WWOX: variants seen among roughly 807,000 people sequenced by gnomAD.
WWOX encodes WW domain containing oxidoreductase, also known as WW domain-containing oxidoreductase.
In WWOX, 69 loss-of-function variants were observed where a neutral mutation model predicts 46.2. The observed-to-expected ratio is 1.49, with a 90% confidence interval of 1.23 to 1.82. WWOX has a LOEUF of 1.82. Ranked by LOEUF, WWOX falls within the 40% of genes most tolerant of loss-of-function variation. WWOX has a pLI of 0.00. For missense variants in WWOX, 919 were observed against 542.6 expected, an observed-to-expected ratio of 1.69 and a Z score of -6.89; for synonymous variants, 359 against 202.6, an observed-to-expected ratio of 1.77 and a Z score of -6.56.
At chr16:78,451,848 C>T (rs1223733013) in intron 8 of WWOX, among the ~76,000 whole-genome samples, 1 of 152,128 alleles carries the variant, frequency 6.6e-6, no homozygotes, top group African/African-American at 2.4e-5. Flanking sequence ...GAGAAATACC[C>T]TTCAACTCTT....
intron 8 of WWOX, among the ~76,000 whole-genome samples, chr16:78,909,919 T>G (rs769867727): frequency 1.3e-5 from 2 of 152,212 alleles, no homozygotes; most frequent in Non-Finnish European, 2.9e-5. Context: ...TCAAGCTAAT[T>G]GTAATGATAT....
chr16:78,792,831 A>T (rs759667570), intron 8 of WWOX, among the ~76,000 whole-genome samples: 1 of 152,158 alleles, frequency 6.6e-6, no homozygotes, highest in African/African-American at 2.4e-5. Context: ...CTGATTGTCC[A>T]CAGCTCTGCT....
chr16:79,057,284 C>T (rs1400825149), intron 8 of WWOX, among the ~76,000 whole-genome samples: 4 of 152,184 alleles, frequency 2.6e-5, no homozygotes, highest in Non-Finnish European at 4.4e-5. Context: ...AGCTGATTCT[C>T]CCCAGCATGG....
chr16:78,164,056 TG>T, intron 4 of WWOX, 126 bp from the exon 5 acceptor site: 3 of 869,194 alleles, frequency 3.5e-6, no homozygotes, highest in East Asian at 5.3e-5. Flanking sequence ...TTCTGTCCCC[TG>T]GGGATCAAAA....
chr16:78,505,679 T>C (rs1487694308), intron 8 of WWOX, among the ~76,000 whole-genome samples: 1 of 151,716 alleles, frequency 6.6e-6, no homozygotes, highest in African/African-American at 2.4e-5. Flanking sequence ...ACACCCTCAT[T>C]CCCAGTCCTG....
At position 78,614,713 on chromosome 16, in the gene WWOX, C is replaced by T. The variant is rs145126003; in HGVS notation, c.1056+181961C>T. ...AACGCTACATGAAGAGGGACGGGGCCAACAGCAGGCTCTTCCTTGACGTGT... is the reference window on the plus strand; with the variant it reads ...AACGCTACATGAAGAGGGACGGGGCTAACAGCAGGCTCTTCCTTGACGTGT... On this transcript the variant is annotated intron_variant, in intron 8 of 8. Transcript: ENST00000566780. Among the ~76,000 whole-genome samples the T allele has an allele frequency of 4.3e-3, 649 of 152,314 alleles. 6 individuals are homozygous for T. Among genetic ancestry groups the T allele is most frequent in the African/African-American group, 0.015 (616 of 41,562 alleles).
chr16:78,580,012 C>G (rs1046043856), intron 8 of WWOX, among the ~76,000 whole-genome samples: 1 of 152,082 alleles, frequency 6.6e-6, no homozygotes, highest in Non-Finnish European at 1.5e-5. Flanking sequence ...TGTGCACATT[C>G]CTGCTTTTCT....
rs533607500 is a variant in WWOX at position 78,453,895 on chromosome 16, G to T, written c.1056+21143G>T. Among the ~76,000 whole-genome samples, 6 of 152,146 alleles carry T rather than the reference G, an allele frequency of 3.9e-5. No individual in the cohort carries two copies. The South Asian group carries it at 1.2e-3, about 32-fold the overall frequency. On this transcript the variant is annotated intron_variant, in intron 8 of 8. Transcript: ENST00000566780. Reference sequence around the variant, plus strand: ...TTTTCTGTACATGCCAAGTTTTACAGCTTTTTGTATCATGAGTTTTCTTTT... The same window carrying T: ...TTTTCTGTACATGCCAAGTTTTACATCTTTTTGTATCATGAGTTTTCTTTT...
intron 8 of WWOX, among the ~76,000 whole-genome samples, chr16:78,453,092 G>A (rs930622125): frequency 6.6e-6 from 1 of 151,984 alleles, no homozygotes; most frequent in Non-Finnish European, 1.5e-5. Context: ...TGTTGGCCAG[G>A]CTGCAGCTAT....
intron 8 of WWOX, among the ~76,000 whole-genome samples, chr16:78,438,383 T>C (rs529747616): frequency 5.0e-4 from 76 of 152,196 alleles, no homozygotes; most frequent in Non-Finnish European, 9.6e-4. Flanking sequence ...TATCTAGTTA[T>C]GCAGTTATGC....
chr16:78,182,525 C>G (rs1231618166), intron 5 of WWOX, among the ~76,000 whole-genome samples: 1 of 151,966 alleles, frequency 6.6e-6, no homozygotes, highest in Admixed American at 6.6e-5. Flanking sequence ...GGTATCTTTC[C>G]CACAAAGCTT....
intron 4 of WWOX, among the ~76,000 whole-genome samples, chr16:78,149,006 T>G (rs564446528): frequency 6.6e-6 from 1 of 152,240 alleles, no homozygotes; most frequent in East Asian, 1.9e-4. Context: ...ATGTTTTATT[T>G]TTTTGAGACA....
intron 8 of WWOX, among the ~76,000 whole-genome samples, chr16:79,090,485 C>T (rs1485768569): frequency 6.6e-6 from 1 of 152,142 alleles, no homozygotes; most frequent in Non-Finnish European, 1.5e-5. Flanking sequence ...AGGGAGCTTT[C>T]ATTCTACTTG....
chr16:78,584,192 A>C (rs1470625286), intron 8 of WWOX, among the ~76,000 whole-genome samples: 1 of 152,216 alleles, frequency 6.6e-6, no homozygotes, highest in East Asian at 1.9e-4. Flanking sequence ...GGCCTGGCAT[A>C]ATCATTGTCA....
intron 8 of WWOX, among the ~76,000 whole-genome samples, chr16:78,807,608 A>T (rs924370259): frequency 1.3e-5 from 2 of 152,232 alleles, no homozygotes. Flanking sequence ...AGTCAATTTC[A>T]TCTAGGAGCA....
intron 8 of WWOX, among the ~76,000 whole-genome samples, chr16:79,014,426 T>G (rs1035119219): frequency 6.6e-6 from 1 of 152,210 alleles, no homozygotes; most frequent in African/African-American, 2.4e-5. Context: ...GCTGTCTATG[T>G]TTTCCTGGAT....
At chr16:78,689,025 A>G (rs115562434) in intron 8 of WWOX, among the ~76,000 whole-genome samples, 1,740 of 152,252 alleles carry the variant, frequency 0.011, 30 homozygotes, top group African/African-American at 0.04. Context: ...CAGCCATGCC[A>G]AATTGTGAGT....
At chr16:79,005,792 G>A (rs1005079365) in intron 8 of WWOX, among the ~76,000 whole-genome samples, 6 of 152,142 alleles carry the variant, frequency 3.9e-5, no homozygotes, top group Non-Finnish European at 8.8e-5. Flanking sequence ...GGCCCTGGGT[G>A]GACATGCATT....
intron 8 of WWOX, among the ~76,000 whole-genome samples, chr16:79,026,545 A>G (rs2047645739): frequency 6.6e-6 from 1 of 150,956 alleles, no homozygotes; most frequent in Admixed American, 6.6e-5. Flanking sequence ...TCTAGAAAGA[A>G]TCATGCCTGC....
Sources: gnomAD v4.1 joint callset for allele counts (sites outside exome capture counted in the v4.1 genomes callset) on GRCh38, gnomAD v4.1.1 for gene constraint, MANE v1.5 for transcripts, NCBI Gene and HGNC (gene_info 2026-07-23, HGNC 2026-07-21) for gene names.